Variants in NBEA observed in about 807,000 individuals in gnomAD.
The protein encoded by NBEA is neurobeachin.
In NBEA, 44 loss-of-function variants were observed where a neutral mutation model predicts 343.4. That is an observed-to-expected ratio of 0.13 (90% confidence interval 0.10 to 0.16). NBEA has a LOEUF of 0.16. Among genes scored for constraint, NBEA ranks in the 10% least tolerant of loss-of-function variants. The pLI is 1.00. For synonymous variants in NBEA, 1,175 were observed against 1,238.7 expected (o/e 0.95, Z 1.08); for missense variants, 2,555 against 3,631.3 (o/e 0.70, Z 7.62).
At chr13:35,413,328 C>A (rs114881365) in intron 38 of NBEA, among the ~76,000 whole-genome samples, 8 of 152,200 alleles carry the variant, frequency 5.3e-5, no homozygotes, top group Admixed American at 5.2e-4. Flanking sequence ...CTCTTGTAGC[C>A]AAAGGGAAAT....
Position 35,034,324 on chromosome 13 carries a change from T to C in NBEA, c.295-6609T>C, listed in dbSNP as rs57553569. ...GATGTATCAGATTGATTGATTTGTA[T>C]ATGTTGAACCGTCCTTGTATCCCAG... On this transcript the variant is annotated intron_variant, in intron 1 of 58. Coordinates refer to ENST00000379939, the MANE Select transcript of NBEA (RefSeq NM_001385012.1). Among the ~76,000 whole-genome samples, 967 of 152,116 alleles carry C rather than the reference T, an allele frequency of 6.4e-3. 11 individuals carry two copies. Among genetic ancestry groups the C allele is most frequent in the African/African-American group, 0.022 (926 of 41,568 alleles).
intron 34 of NBEA, among the ~76,000 whole-genome samples, chr13:35,283,769 A>C (rs1169501781): frequency 2.6e-5 from 4 of 152,140 alleles, no homozygotes; most frequent in East Asian, 3.9e-4. Context: ...ATTCAGGGGA[A>C]ATTTTGCTGA....
At chr13:35,503,222 TA>T (rs2076953012) in intron 41 of NBEA, among the ~76,000 whole-genome samples, 1 of 151,630 alleles carries the variant, frequency 6.6e-6, no homozygotes, top group Non-Finnish European at 1.5e-5. Flanking sequence ...GCTAAATACT[TA>T]AATATTATAG....
chr13:35,383,792 A>T (rs1272701291), intron 38 of NBEA, among the ~76,000 whole-genome samples: 2 of 152,174 alleles, frequency 1.3e-5, no homozygotes, highest in African/African-American at 4.8e-5. Context: ...GATGACAGGA[A>T]TAATGTTGGT....
intron 40 of NBEA, among the ~76,000 whole-genome samples, chr13:35,464,215 T>G (rs1341521834): frequency 6.6e-6 from 1 of 152,188 alleles, no homozygotes; most frequent in African/African-American, 2.4e-5. Flanking sequence ...ATTTCTGAGC[T>G]CTAATCTTTG....
At chr13:35,318,160 G>A (rs2037878510) in intron 36 of NBEA, among the ~76,000 whole-genome samples, 1 of 152,084 alleles carries the variant, frequency 6.6e-6, no homozygotes, top group South Asian at 2.1e-4. Context: ...GGTGAGAGAG[G>A]GCATCCTTGT....
At chr13:35,584,118 T>C (rs1355260687) in intron 46 of NBEA, 80 bp downstream of exon 46, 6 of 1,294,700 alleles carry the variant, frequency 4.6e-6, no homozygotes, top group African/African-American at 3.0e-5. Flanking sequence ...ATCAAATCAG[T>C]TGTAATTTGA....
intron 36 of NBEA, among the ~76,000 whole-genome samples, chr13:35,323,714 T>TAATA (rs939504458): frequency 1.8e-4 from 28 of 151,864 alleles, no homozygotes; most frequent in East Asian, 9.7e-4. Flanking sequence ...TAAAGTATAA[T>TAATA]AATAAATAAA....
At chr13:35,630,891 T>A (rs1422186074) in intron 49 of NBEA, among the ~76,000 whole-genome samples, 3 of 152,150 alleles carry the variant, frequency 2.0e-5, no homozygotes, top group Non-Finnish European at 4.4e-5. Flanking sequence ...AGTGTAGACA[T>A]AACAGATTAA....
At chr13:35,122,487 A>G (rs1434233278) in intron 16 of NBEA, among the ~76,000 whole-genome samples, 7 of 146,874 alleles carry the variant, frequency 4.8e-5, no homozygotes, top group African/African-American at 1.5e-4. Flanking sequence ...ACCAAATACC[A>G]CATGTTCTCA....
intron 8 of NBEA, among the ~76,000 whole-genome samples, chr13:35,061,073 G>A (rs547092666): frequency 7.7e-4 from 117 of 151,480 alleles, no homozygotes; most frequent in African/African-American, 2.2e-3. Context: ...TACGGGCTTC[G>A]AAATTAATAA....
At chr13:35,570,070 G>A (rs1003212039) in intron 45 of NBEA, among the ~76,000 whole-genome samples, 1 of 152,200 alleles carries the variant, frequency 6.6e-6, no homozygotes, top group Non-Finnish European at 1.5e-5. Context: ...GTCTCGCTCT[G>A]TCGCCCAGGC....
At chr13:35,363,200 A>C (rs181627532) in intron 38 of NBEA, among the ~76,000 whole-genome samples, 33 of 151,712 alleles carry the variant, frequency 2.2e-4, no homozygotes, top group African/African-American at 8.0e-4. Context: ...ACACATACAC[A>C]CTCCAGGATT....
chr13:35,109,234 T>C, intron 11 of NBEA, 56 bp from the exon 12 acceptor site: 1 of 1,446,044 alleles, frequency 6.9e-7, no homozygotes, highest in Non-Finnish European at 9.3e-7. Context: ...AAATCAGAAA[T>C]TATACAATTT....
rs537574547 is a variant in NBEA, at chr13:35,403,694, G to A, written c.6180-28575G>A. On this transcript the variant is annotated intron_variant, in intron 38 of 58. Coordinates refer to ENST00000379939, the MANE Select transcript of NBEA (RefSeq NM_001385012.1). The stretch of plus-strand genomic sequence containing the variant: ...CATTACCATTCAGGACATAGGCATG[G>A]GCAAGGACTTCATGTCTAAAACACC... Among the ~76,000 whole-genome samples the A allele has an allele frequency of 4.6e-5, 7 of 151,898 alleles. No individual in the cohort carries two copies. The South Asian group carries it at 1.5e-3, about 32-fold the overall frequency.
At chr13:35,512,418 A>G (rs17760654) in intron 41 of NBEA, among the ~76,000 whole-genome samples, 4,452 of 152,316 alleles carry the variant, frequency 0.029, 117 homozygotes, top group Non-Finnish European at 0.046. Context: ...ACCTCAAGCA[A>G]TAGATGCTAT....
intron 41 of NBEA, among the ~76,000 whole-genome samples, chr13:35,499,379 T>C (rs929535533): frequency 2.0e-5 from 3 of 152,062 alleles, no homozygotes; most frequent in Admixed American, 6.6e-5. Flanking sequence ...AGTGACTGAC[T>C]AGAAAGTGCG....
intron 41 of NBEA, among the ~76,000 whole-genome samples, chr13:35,516,986 A>G (rs1042969073): frequency 1.3e-5 from 2 of 152,184 alleles, no homozygotes; most frequent in Non-Finnish European, 1.5e-5. Context: ...TGTTCTTTCA[A>G]TTACTACATA....
intron 34 of NBEA, among the ~76,000 whole-genome samples, chr13:35,275,310 C>G (rs1245764921): frequency 6.6e-6 from 1 of 152,130 alleles, no homozygotes; most frequent in Non-Finnish European, 1.5e-5. Flanking sequence ...ATGTAGAAAG[C>G]TGAAACTGAA....
Sources: allele counts gnomAD v4.1 joint callset (sites outside exome capture counted in the v4.1 genomes callset), GRCh38; gene constraint gnomAD v4.1.1; transcripts MANE v1.5; gene names NCBI Gene and HGNC (gene_info 2026-07-23, HGNC 2026-07-21).